Variants in MCM9 observed in about 807,000 individuals in gnomAD.
The protein encoded by MCM9 is minichromosome maintenance 9 homologous recombination repair factor.
Under a neutral mutation model 72.8 loss-of-function variants are expected in MCM9, and 55 were observed. The observed-to-expected ratio is 0.76, with a 90% confidence interval of 0.61 to 0.95. MCM9 has a LOEUF of 0.95. Ranked by LOEUF, MCM9 falls within the 40% of genes least tolerant of loss-of-function variation. The probability of loss-of-function intolerance (pLI) is 0.00; values close to 1 mark genes in which losing one functional copy is unlikely to be tolerated. For synonymous variants in MCM9, 480 were observed against 503.4 expected (o/e 0.95, Z 0.62); for missense variants, 1,279 against 1,377.0 (o/e 0.93, Z 1.13).
chr6:118,831,457 G>A (rs778953167), intron 9 of MCM9, among the ~76,000 whole-genome samples: 76 of 152,042 alleles, frequency 5.0e-4, no homozygotes, highest in Non-Finnish European at 9.7e-4. Context: ...AAATACGGGA[G>A]TGGGCAGAGG....
intron 8 of MCM9, among the ~76,000 whole-genome samples, chr6:118,876,271 G>A (rs927379199): frequency 2.0e-5 from 3 of 152,036 alleles, no homozygotes; most frequent in African/African-American, 7.2e-5. Context: ...GAGGATTTGG[G>A]GGCAGTAAAA....
At chr6:118,851,580 G>A (rs1010848780) in intron 9 of MCM9, among the ~76,000 whole-genome samples, 1 of 151,808 alleles carries the variant, frequency 6.6e-6, no homozygotes, top group Non-Finnish European at 1.5e-5. Context: ...GGAGAACAAA[G>A]ATCCTGTAAT....
intron 8 of MCM9, among the ~76,000 whole-genome samples, chr6:118,874,784 G>T (rs777893914): frequency 6.6e-6 from 1 of 152,234 alleles, no homozygotes; most frequent in African/African-American, 2.4e-5. Context: ...TATATATCAA[G>T]AATGAACAAG....
At chr6:118,885,900 CA>C (rs1778567751) in intron 8 of MCM9, among the ~76,000 whole-genome samples, 2 of 152,000 alleles carry the variant, frequency 1.3e-5, no homozygotes, top group African/African-American at 4.8e-5. Flanking sequence ...AATACAGATG[CA>C]AAAATCCTCA....
At position 118,815,837 on chromosome 6, in the gene MCM9, C is replaced by T. The variant is rs1773379273; in HGVS notation, c.2419G>A (p.Gly807Ser). ...IGLLPSPGET[G>S]VPWRADNVES... Reference sequence around the variant, plus strand: ...ACATTGTCTGCCCTCCATGGAACACCTGTCTCTCCTGGTGATGGAAGCAAC... The same window carrying T: ...ACATTGTCTGCCCTCCATGGAACACTTGTCTCTCCTGGTGATGGAAGCAAC... The change falls in exon 14 of 14, where the codon GGT becomes AGT. Residue 807 changes from glycine to serine, a missense_variant. By Grantham distance (56) the Gly-to-Ser change is moderately conservative. Transcript: ENST00000619706. The T allele has an allele frequency of 6.5e-7, 1 of 1,539,712 alleles. No homozygotes were observed. The highest frequency in any genetic ancestry group is 2.4e-5 in the East Asian group (1 of 40,914).
chr6:118,924,636 T>C (rs930464933), intron 3 of MCM9, among the ~76,000 whole-genome samples: 2 of 152,148 alleles, frequency 1.3e-5, no homozygotes, highest in Non-Finnish European at 2.9e-5. Flanking sequence ...TATTAATACA[T>C]AAATATGACA....
intron 8 of MCM9, among the ~76,000 whole-genome samples, chr6:118,894,689 C>T (rs1779226679): frequency 6.6e-6 from 1 of 152,234 alleles, no homozygotes; most frequent in African/African-American, 2.4e-5. Flanking sequence ...GAGGCGCGCG[C>T]GGCTTTCCGC....
rs150315643 is a variant in MCM9, at chr6:118,864,854, A to G, written c.1151-8309T>C. Among the ~76,000 whole-genome samples, 866 of 152,316 alleles carry G rather than the reference A, an allele frequency of 5.7e-3. 8 individuals carry two copies. Among genetic ancestry groups the G allele is most frequent in the African/African-American group, 0.019 (795 of 41,566 alleles). ...TTCTGGGGCTTCATCCCCCAAGAGC[A>G]GTGCAGAGAAGGGGCCTAAAATATG... On this transcript the variant is annotated intron_variant, in intron 8 of 13. Coordinates refer to ENST00000619706, the MANE Select transcript of MCM9 (RefSeq NM_017696.3).
chr6:118,836,315 T>C (rs1182200533), intron 9 of MCM9, among the ~76,000 whole-genome samples: 2 of 152,174 alleles, frequency 1.3e-5, no homozygotes, highest in Non-Finnish European at 2.9e-5. Flanking sequence ...TTTTCTTTTC[T>C]TGTTGTCTCT....
chr6:118,827,901 A>G, intron 11 of MCM9, 26 bp downstream of exon 11: 1 of 1,545,362 alleles, frequency 6.5e-7, no homozygotes. Flanking sequence ...ATTCAATACA[A>G]GCATCATTCG....
chr6:118,872,430 A>T (rs527275411), intron 8 of MCM9, among the ~76,000 whole-genome samples: 1 of 152,310 alleles, frequency 6.6e-6, no homozygotes, highest in Admixed American at 6.5e-5. Context: ...ATTTCAAGAG[A>T]AATTTAAAAA....
intron 5 of MCM9, 104 bp downstream of exon 5, chr6:118,921,901 T>G: frequency 1.2e-6 from 1 of 831,214 alleles, no homozygotes; most frequent in Non-Finnish European, 1.9e-6. Flanking sequence ...ATTACAGCTC[T>G]ACATTTCCCT....
At position 118,835,636 on chromosome 6, in the gene MCM9, A is replaced by T. The variant is rs569106200; in HGVS notation, c.1326-6386T>A. ...AATTGTGAATGGGAGTTCACTCATG[A>T]TTTGGCTCTCTGCTTGTCTATTACT... On this transcript the variant is annotated intron_variant, in intron 9 of 13. Transcript: ENST00000619706. 6.6e-4 allele frequency among the ~76,000 whole-genome samples: 100 copies of T among 152,234 alleles called. 1 individual carries two copies. The highest frequency in any genetic ancestry group is 2.4e-3 in the African/African-American group (98 of 41,536).
intron 9 of MCM9, among the ~76,000 whole-genome samples, chr6:118,841,810 C>T (rs1361315765): frequency 1.3e-5 from 2 of 150,838 alleles, no homozygotes; most frequent in Non-Finnish European, 2.9e-5. Context: ...GATACGTCTA[C>T]TGAGCAAAAC....
intron 8 of MCM9, among the ~76,000 whole-genome samples, chr6:118,877,054 G>A (rs1335265072): frequency 6.6e-6 from 1 of 152,150 alleles, no homozygotes; most frequent in Non-Finnish European, 1.5e-5. Context: ...AGATTTTAGA[G>A]CCCAGCCACT....
rs1198602169 is a variant in MCM9 at position 118,906,378 on chromosome 6, ACTT to A, written c.1150+5269_1150+5271del. 2.0e-5 allele frequency among the ~76,000 whole-genome samples: 3 copies of A among 152,142 alleles called. No individual in the cohort carries two copies. In the East Asian group the frequency reaches 5.8e-4, roughly 29 times the overall value. On this transcript the variant is annotated intron_variant, in intron 8 of 13. Transcript: ENST00000619706. ...GTGAGCCACCACGCCCAGAGAAAGT[ACTT>A]CTTGTAAGACAGGCCTTTGTTTATG...
chr6:118,849,881 C>CA (rs1372853345), intron 9 of MCM9, among the ~76,000 whole-genome samples: 5 of 150,804 alleles, frequency 3.3e-5, no homozygotes, highest in South Asian at 2.1e-4. Flanking sequence ...CTTATTTTTC[C>CA]AAAAAAAAGA....
chr6:118,916,504 G>A (rs1780976767), intron 6 of MCM9, among the ~76,000 whole-genome samples: 2 of 150,040 alleles, frequency 1.3e-5, no homozygotes, highest in African/African-American at 4.9e-5. Context: ...TGTCGCCCAG[G>A]CTGGTCTGCA....
chr6:118,841,718 T>C (rs189885115), intron 9 of MCM9, among the ~76,000 whole-genome samples: 77 of 152,280 alleles, frequency 5.1e-4, no homozygotes, highest in African/African-American at 1.9e-3. Flanking sequence ...GTTGTGAATG[T>C]CTTGAGAACA....
Sources: allele counts gnomAD v4.1 joint callset (sites outside exome capture counted in the v4.1 genomes callset), GRCh38; gene constraint gnomAD v4.1.1; transcripts MANE v1.5; gene names NCBI Gene and HGNC (gene_info 2026-07-23, HGNC 2026-07-21).